The following ANO4 variants were observed in gnomAD, a reference collection of about 807,000 sequenced individuals.
ANO4 encodes the protein anoctamin 4, also known as anoctamin-4.
ANO4 carries 69 observed loss-of-function variants against 141.9 expected under a neutral mutation model. That is an observed-to-expected ratio of 0.49 (90% CI 0.40 to 0.59). The LOEUF is 0.59. ANO4 is among the 20% of genes least tolerant of loss of function. The pLI is 0.00. For missense variants in ANO4, 894 were observed against 1,162.2 expected, an observed-to-expected ratio of 0.77 and a Z score of 3.36; for synonymous variants, 350 against 394.3, an observed-to-expected ratio of 0.89 and a Z score of 1.33.
chr12:100,922,867 G>T (rs1022246422), intron 3 of ANO4, among the ~76,000 whole-genome samples: 9 of 151,958 alleles, frequency 5.9e-5, no homozygotes, highest in African/African-American at 2.2e-4. Flanking sequence ...TTTTATTTCT[G>T]TTTTATAGCT....
intron 4 of ANO4, among the ~76,000 whole-genome samples, chr12:100,940,735 A>T (rs1174125380): frequency 6.6e-6 from 1 of 152,138 alleles, no homozygotes; most frequent in African/African-American, 2.4e-5. Flanking sequence ...TCATACCACC[A>T]TTGGAAAAGA....
intron 5 of ANO4, among the ~76,000 whole-genome samples, chr12:100,966,479 G>A (rs1328946628): frequency 6.6e-6 from 1 of 152,090 alleles, no homozygotes; most frequent in East Asian, 1.9e-4. Flanking sequence ...ATGCCCACAT[G>A]GCATTGTACC....
chr12:100,935,650 CCACT>C (rs1348473482), intron 3 of ANO4, among the ~76,000 whole-genome samples: 2 of 152,140 alleles, frequency 1.3e-5, no homozygotes, highest in Non-Finnish European at 2.9e-5. Context: ...GGCCTCACTC[CCACT>C]CTGACTGGAC....
chr12:100,901,923 T>C (rs1266548512), intron 2 of ANO4, 83 bp downstream of exon 2: 77 of 1,304,390 alleles, frequency 5.9e-5, no homozygotes, highest in Non-Finnish European at 7.6e-5. Context: ...TGTGTAAATA[T>C]GCCATACTTT....
intron 3 of ANO4, among the ~76,000 whole-genome samples, chr12:100,759,407 A>G (rs559095515): frequency 2.0e-5 from 3 of 152,342 alleles, no homozygotes; most frequent in Admixed American, 2.0e-4. Flanking sequence ...AAGCAAGTCA[A>G]TGATGAATTC....
intron 8 of ANO4, among the ~76,000 whole-genome samples, chr12:101,013,093 A>G (rs921880555): frequency 1.4e-4 from 22 of 152,172 alleles, no homozygotes; most frequent in Admixed American, 1.4e-3. Flanking sequence ...AAACATAACT[A>G]CCATTTGACC....
chr12:100,811,393 A>G lies in ANO4; in HGVS notation c.-141+16366A>G, dbSNP rs147085687. Among the ~76,000 whole-genome samples the G allele has an allele frequency of 5.3e-3, 813 of 152,322 alleles. 11 individuals carry two copies. Among genetic ancestry groups the G allele is most frequent in the African/African-American group, 0.018 (764 of 41,568 alleles). On this transcript the variant is annotated intron_variant, in intron 1 of 27. Coordinates refer to ENST00000392977, the MANE Select transcript of ANO4 (RefSeq NM_001286615.2). ...TATTCTTGAGTGATGCAGTGCTATC[A>G]GTTTCAAATAAGTATATTTTTGTAA...
At chr12:101,114,311 G>A (rs1432743525) in intron 24 of ANO4, among the ~76,000 whole-genome samples, 1 of 152,148 alleles carries the variant, frequency 6.6e-6, no homozygotes, top group Non-Finnish European at 1.5e-5. Context: ...AAGGTGAAAG[G>A]AATTAGTGAA....
intron 17 of ANO4, among the ~76,000 whole-genome samples, chr12:101,089,762 T>C (rs1041721078): frequency 6.6e-6 from 1 of 152,176 alleles, no homozygotes; most frequent in African/African-American, 2.4e-5. Context: ...CTAATTAAAC[T>C]GAAGAGCTTC....
chr12:100,995,762 C>G (rs1416268118), intron 8 of ANO4, among the ~76,000 whole-genome samples: 1 of 152,104 alleles, frequency 6.6e-6, no homozygotes. Context: ...GCTTTAGACT[C>G]CTACTTTCAT....
At chr12:100,955,430 C>T (rs141453635) in intron 5 of ANO4, among the ~76,000 whole-genome samples, 2 of 152,114 alleles carry the variant, frequency 1.3e-5, no homozygotes, top group Non-Finnish European at 2.9e-5. Flanking sequence ...CTCATGACAT[C>T]GTGGCTGGGT....
At chr12:101,103,183 TTA>T (rs71091476) in intron 22 of ANO4, among the ~76,000 whole-genome samples, 199 of 18,526 alleles carry the variant, frequency 0.011, no homozygotes, top group Non-Finnish European at 0.015. Context: ...TTTAGTCATT[TTA>T]TATATATATA....
At chr12:100,995,663 G>A (rs1275005482) in intron 8 of ANO4, among the ~76,000 whole-genome samples, 1 of 152,192 alleles carries the variant, frequency 6.6e-6, no homozygotes, top group Non-Finnish European at 1.5e-5. Context: ...CATGTACTGT[G>A]CATGTATGAA....
rs528426864 is a variant in ANO4, at chr12:101,106,434, C to T, written c.2150-3970C>T. ...GTCTATATAGATCAAGATAATATCT[C>T]AAAATTATCATGTGATATGAACAGG... On this transcript the variant is annotated intron_variant, in intron 22 of 27. Coordinates refer to ENST00000392977, the MANE Select transcript of ANO4 (RefSeq NM_001286615.2). Among the ~76,000 whole-genome samples the T allele has an allele frequency of 1.1e-3, 164 of 151,654 alleles. 1 individual carries two copies. Among genetic ancestry groups the T allele is most frequent in the Middle Eastern group, 3.4e-3 (1 of 294 alleles).
intron 14 of ANO4, among the ~76,000 whole-genome samples, chr12:101,073,494 C>CA (rs996039194): frequency 1.3e-4 from 20 of 151,578 alleles, no homozygotes; most frequent in African/African-American, 4.6e-4. Context: ...ATGGGTGCAG[C>CA]AAACCAACAT....
intron 3 of ANO4, among the ~76,000 whole-genome samples, chr12:100,765,187 GT>G (rs773287711): frequency 6.6e-6 from 1 of 152,064 alleles, no homozygotes; most frequent in African/African-American, 2.4e-5. Flanking sequence ...AGTCTTGGTA[GT>G]TTGTATGTTT....
At chr12:100,913,570 T>C (rs981082859) in intron 2 of ANO4, among the ~76,000 whole-genome samples, 1 of 152,168 alleles carries the variant, frequency 6.6e-6, no homozygotes, top group Non-Finnish European at 1.5e-5. Flanking sequence ...TTATCATAGG[T>C]ATGTATGTAT....
At chr12:100,717,807 AT>A (rs2030675991) in intron 1 of ANO4, among the ~76,000 whole-genome samples, 1 of 152,186 alleles carries the variant, frequency 6.6e-6, no homozygotes, top group South Asian at 2.1e-4. Context: ...CTCTAGAAAC[AT>A]TCCCCTCGCT....
intron 1 of ANO4, among the ~76,000 whole-genome samples, chr12:100,724,287 G>T (rs993571549): frequency 1.3e-5 from 2 of 152,222 alleles, no homozygotes; most frequent in Admixed American, 1.3e-4. Context: ...TGCAGGAAAG[G>T]TGATTCAAGT....
Sources: allele counts gnomAD v4.1 joint callset (sites outside exome capture counted in the v4.1 genomes callset), GRCh38; gene constraint gnomAD v4.1.1; transcripts MANE v1.5; gene names NCBI Gene and HGNC (gene_info 2026-07-23, HGNC 2026-07-21).